Variants in FRMD6 observed in about 807,000 individuals in gnomAD.
FRMD6 encodes FERM domain containing 6.
In FRMD6, 37 loss-of-function variants were observed where a neutral mutation model predicts 73.2. The observed-to-expected ratio is 0.51, with a 90% CI of 0.39 to 0.66. The LOEUF (loss-of-function observed/expected upper bound fraction) is 0.66. Ranked by LOEUF, FRMD6 falls within the 30% of genes least tolerant of loss-of-function variation. The pLI is 0.00. For missense variants in FRMD6, 714 were observed against 780.5 expected, an observed-to-expected ratio of 0.91 and a Z score of 1.02; for synonymous variants, 273 against 282.2, an observed-to-expected ratio of 0.97 and a Z score of 0.33.
At chr14:51,663,615 G>A (rs2140181580) in intron 1 of FRMD6, among the ~76,000 whole-genome samples, 1 of 152,294 alleles carries the variant, frequency 6.6e-6, no homozygotes, top group South Asian at 2.1e-4. Flanking sequence ...GATGGAGGTT[G>A]GGAGGAGGGA....
upstream of FRMD6, among the ~76,000 whole-genome samples, chr14:51,488,735 A>G (rs190847073): frequency 6.6e-6 from 1 of 152,200 alleles, no homozygotes; most frequent in Non-Finnish European, 1.5e-5. Context: ...AATCCTTGCT[A>G]CTCCTTTCCT....
chr14:51,533,384 T>C (rs532428481), intron 1 of FRMD6, among the ~76,000 whole-genome samples: 5 of 152,286 alleles, frequency 3.3e-5, no homozygotes, highest in South Asian at 2.1e-4. Context: ...ATAAAACAGG[T>C]TCCACATTAC....
At chr14:51,399,116 G>A in the FRMD6 span, among the ~76,000 whole-genome samples, 1 of 152,120 alleles carries the variant, frequency 6.6e-6, no homozygotes, top group Non-Finnish European at 1.5e-5. Flanking sequence ...GCTTTCTTCT[G>A]TTGATACCCT....
At chr14:51,428,257 C>G in the FRMD6 span, among the ~76,000 whole-genome samples, 2 of 152,256 alleles carry the variant, frequency 1.3e-5, no homozygotes, top group African/African-American at 4.8e-5. Flanking sequence ...TACAAACTAT[C>G]AGTGCCCAGG....
intron 2 of FRMD6, among the ~76,000 whole-genome samples, chr14:51,617,544 G>T (rs1170369246): frequency 1.3e-5 from 2 of 152,092 alleles, no homozygotes; most frequent in Non-Finnish European, 2.9e-5. Flanking sequence ...ATATATTGCT[G>T]CACATATATG....
At chr14:51,631,648 T>C (rs187660873) in intron 2 of FRMD6, among the ~76,000 whole-genome samples, 34 of 152,342 alleles carry the variant, frequency 2.2e-4, no homozygotes, top group East Asian at 1.9e-4. Flanking sequence ...TTGGGGATTA[T>C]TTGAATTTTT....
chr14:51,629,067 G>A (rs1891238977), intron 2 of FRMD6, among the ~76,000 whole-genome samples: 1 of 151,710 alleles, frequency 6.6e-6, no homozygotes, highest in African/African-American at 2.4e-5. Context: ...TAGTAGAGAC[G>A]GGGTTTCACC....
the FRMD6 span, among the ~76,000 whole-genome samples, chr14:51,410,535 G>A: frequency 1.3e-5 from 2 of 152,180 alleles, no homozygotes; most frequent in Non-Finnish European, 2.9e-5. Context: ...CAAAAGCCAT[G>A]CATATTTTAA....
chr14:51,587,467 C>A (rs1476985049), intron 2 of FRMD6, among the ~76,000 whole-genome samples: 3 of 152,286 alleles, frequency 2.0e-5, no homozygotes, highest in Middle Eastern at 6.8e-3. Context: ...AATTGACCAA[C>A]CCTAAATATT....
intron 2 of FRMD6, among the ~76,000 whole-genome samples, chr14:51,631,277 A>G (rs1319030064): frequency 6.6e-6 from 1 of 152,220 alleles, no homozygotes; most frequent in South Asian, 2.1e-4. Flanking sequence ...GGAACGGAGC[A>G]CTTACAAGAA....
At chr14:51,683,413 A>AGG (rs1442980574) in intron 1 of FRMD6, among the ~76,000 whole-genome samples, 2 of 151,586 alleles carry the variant, frequency 1.3e-5, no homozygotes, top group African/African-American at 4.8e-5. Flanking sequence ...CTGAGTAGCT[A>AGG]GGACTACAGG....
Position 51,538,172 on chromosome 14 carries a change from A to G in FRMD6, c.-209-32176A>G, listed in dbSNP as rs1886003207. On this transcript the variant is annotated intron_variant, in intron 1 of 14. Coordinates refer to the FRMD6 transcript ENST00000356218. The stretch of plus-strand genomic sequence containing the variant: ...TCAGATTTATGATCCATCTCGAGTT[A>G]ATTTTTGTGAAAGGTACAAAGTCTG... Among the ~76,000 whole-genome samples, 6 of 152,166 alleles carry G rather than the reference A, an allele frequency of 3.9e-5. No individual in the cohort carries two copies. In the South Asian group the frequency reaches 1.2e-3, roughly 32 times the overall value.
chr14:51,638,325 A>G (rs1199133329), intron 2 of FRMD6, among the ~76,000 whole-genome samples: 2 of 152,156 alleles, frequency 1.3e-5, no homozygotes. Context: ...TAATAAGCTG[A>G]GTGAGAGCGG....
In FRMD6 at chr14:51,517,666, C is replaced by T. The variant is rs983452505; in HGVS notation, c.-210+28246C>T. Among the ~76,000 whole-genome samples, 11 of 151,980 alleles carry T rather than the reference C, an allele frequency of 7.2e-5. No homozygotes were observed. The East Asian group carries it at 1.5e-3, about 21-fold the overall frequency. On this transcript the variant is annotated intron_variant, in intron 1 of 14. Coordinates refer to the FRMD6 transcript ENST00000356218. ...AGCCTATAATTATACCATTGTCATC[C>T]AAGCAGAGGCAAATACACTTCATCT...
At chr14:51,673,900 T>C (rs1384897138) in intron 1 of FRMD6, among the ~76,000 whole-genome samples, 1 of 152,212 alleles carries the variant, frequency 6.6e-6, no homozygotes, top group Non-Finnish European at 1.5e-5. Flanking sequence ...TTTTTTATTA[T>C]CAGAATCTTT....
the FRMD6 span, among the ~76,000 whole-genome samples, chr14:51,404,329 G>A: frequency 1.3e-5 from 2 of 151,858 alleles, no homozygotes; most frequent in Non-Finnish European, 2.9e-5. Context: ...TTTTCTCCCA[G>A]TTGGTGACTT....
At chr14:51,464,920 C>A in the FRMD6 span, among the ~76,000 whole-genome samples, 1 of 152,198 alleles carries the variant, frequency 6.6e-6, no homozygotes, top group Non-Finnish European at 1.5e-5. Context: ...ATTTAGGAGC[C>A]CTCCAGCATT....
chr14:51,589,879 G>A (rs1271992053), intron 2 of FRMD6, among the ~76,000 whole-genome samples: 1 of 152,150 alleles, frequency 6.6e-6, no homozygotes, highest in East Asian at 1.9e-4. Flanking sequence ...GACCAGCCTG[G>A]CCAACATGGG....
chr14:51,725,969 C>T, intron 13 of FRMD6, 99 bp downstream of exon 13: 1 of 766,920 alleles, frequency 1.3e-6, no homozygotes, highest in Non-Finnish European at 2.2e-6. Flanking sequence ...ATTAAAAACC[C>T]TAAGGAAATG....
Sources: allele counts gnomAD v4.1 joint callset (sites outside exome capture counted in the v4.1 genomes callset), GRCh38; gene constraint gnomAD v4.1.1; transcripts MANE v1.5; gene names NCBI Gene and HGNC (gene_info 2026-07-23, HGNC 2026-07-21).